The following SYTL2 variants were observed in gnomAD, a reference collection of about 807,000 sequenced individuals.
SYTL2 encodes synaptotagmin-like protein 2.
Under a neutral mutation model 198.7 loss-of-function variants are expected in SYTL2, and 165 were observed. The observed-to-expected ratio is 0.83, with a 90% CI of 0.73 to 0.94. The LOEUF is 0.94. Ranked by LOEUF, SYTL2 falls within the 40% of genes least tolerant of loss-of-function variation. The probability of loss-of-function intolerance (pLI) is 0.00; values close to 1 mark genes in which losing one functional copy is unlikely to be tolerated. For missense variants in SYTL2, 2,835 were observed against 2,582.8 expected (o/e 1.10, Z -2.12); for synonymous variants, 966 against 917.7 (o/e 1.05, Z -0.95).
chr11:85,786,949 C>T (rs2092645480), intron 1 of SYTL2, among the ~76,000 whole-genome samples: 8 of 152,294 alleles, frequency 5.3e-5, no homozygotes, highest in Admixed American at 5.2e-4. Context: ...AATAAAAGTG[C>T]TTTTAATAAA....
intron 16 of SYTL2, 69 bp downstream of exon 16, chr11:85,704,789 A>G: frequency 1.5e-6 from 2 of 1,291,814 alleles, no homozygotes; most frequent in African/African-American, 1.5e-5. Flanking sequence ...AAATGCAATT[A>G]AGCTTTTTCC....
rs1341619889 is a variant in SYTL2, at chr11:85,694,921, G to C, written c.*274C>G. On this transcript the variant is annotated 3_prime_UTR_variant, in exon 20 of 20. Coordinates refer to ENST00000359152, the MANE Select transcript of SYTL2 (RefSeq NM_206927.4). The stretch of plus-strand genomic sequence containing the variant: ...ACCCCATGTTTAATGCTCTGGGGCA[G>C]CTTTTTCTTTGAAGCAGCAGCAGAA... The C allele has an allele frequency of 7.2e-6, 2 of 276,684 alleles. No individual in the cohort carries two copies. Among genetic ancestry groups the C allele is most frequent in the Non-Finnish European group, 1.4e-5 (2 of 147,508 alleles). 17.1% of individuals were successfully genotyped at this position (276,684 alleles called of 1,614,324 possible). A position where few individuals can be genotyped will look rare whatever the true frequency, so the allele number is the denominator to read the frequency against.
At chr11:85,750,701 C>T (rs1257934399) in intron 2 of SYTL2, among the ~76,000 whole-genome samples, 3 of 152,128 alleles carry the variant, frequency 2.0e-5, no homozygotes, top group Admixed American at 6.5e-5. Context: ...AACAAATAAA[C>T]GCTCAGCAGC....
At chr11:85,842,722 C>G in the SYTL2 span, among the ~76,000 whole-genome samples, 1 of 152,174 alleles carries the variant, frequency 6.6e-6, no homozygotes, top group African/African-American at 2.4e-5. Flanking sequence ...ATGTCAGAAA[C>G]TCTTTCCTAA....
In SYTL2 at chr11:85,798,711, C is replaced by G. The variant is rs974303108; in HGVS notation, c.-390+12243G>C. ...CCCACGGGTCTTCTCCAAGAGGAGT[C>G]ACACTGGACACACAAGTTGTGACAA... is the stretch of plus-strand genomic sequence containing the variant. On this transcript the variant is annotated intron_variant, in intron 1 of 19. Coordinates refer to ENST00000359152, the MANE Select transcript of SYTL2 (RefSeq NM_206927.4). Among the ~76,000 whole-genome samples the G allele has an allele frequency of 1.5e-4, 23 of 152,180 alleles. 1 individual carries two copies. Among genetic ancestry groups the G allele is most frequent in the Non-Finnish European group, 2.9e-5 (2 of 68,042 alleles).
chr11:85,769,622 G>C (rs867095633), intron 1 of SYTL2, among the ~76,000 whole-genome samples: 2 of 152,212 alleles, frequency 1.3e-5, no homozygotes, highest in Non-Finnish European at 1.5e-5. Flanking sequence ...CTGAGGACAC[G>C]ATGTTACTTA....
rs771818147 is a variant in SYTL2 at position 85,707,485 on chromosome 11, TCTTGCC to T, written c.5956_5961del (p.Gly1986_Lys1987del). 1.2e-6 allele frequency: 2 copies of T among 1,614,092 alleles called. No homozygotes were observed. The highest frequency in any genetic ancestry group is 1.7e-5 in the Admixed American group (1 of 60,026). ...GTTTTCTTCACTACGAGTGTTTTCTTCTTGCCCATTTTGCCTTTGTCTGGTAGCAAA... is the reference window on the plus strand; with the variant it reads ...GTTTTCTTCACTACGAGTGTTTTCTTCATTTTGCCTTTGTCTGGTAGCAAA... On this transcript the variant is annotated inframe_deletion, in exon 15 of 20. Transcript: ENST00000359152.
chr11:85,804,069 G>A (rs1430800804), intron 1 of SYTL2, among the ~76,000 whole-genome samples: 1 of 152,216 alleles, frequency 6.6e-6, no homozygotes, highest in East Asian at 1.9e-4. Flanking sequence ...CAACACTTCA[G>A]TTACTACATT....
In SYTL2 at chr11:85,748,336, C is replaced by T; in HGVS notation, c.189G>A (p.Arg63=). The change falls in exon 3 of 20, where the codon AGG becomes AGA. Residue 63 remains arginine, a synonymous_variant. Transcript: ENST00000359152. ...WFYEAKAKRH[R]DKIHGADIIR... is the part of the protein sequence containing the mutation. Reference sequence around the variant, plus strand: ...TGATATCTGCGCCATGGATTTTGTCCCTGTGCCTTTTTGCCTTGGCTTCAT... The same window carrying T: ...TGATATCTGCGCCATGGATTTTGTCTCTGTGCCTTTTTGCCTTGGCTTCAT... The T allele has an allele frequency of 6.2e-7, 1 of 1,614,006 alleles. No individual in the cohort carries two copies. The highest frequency in any genetic ancestry group is 1.3e-5 in the African/African-American group (1 of 75,028).
At chr11:85,848,111 G>A in the SYTL2 span, among the ~76,000 whole-genome samples, 589 of 152,144 alleles carry the variant, frequency 3.9e-3, 4 homozygotes, top group African/African-American at 0.012. Context: ...ATGGTGGCAC[G>A]TGCCTGTGGT....
chr11:85,836,398 A>G, the SYTL2 span, among the ~76,000 whole-genome samples: 1 of 152,230 alleles, frequency 6.6e-6, no homozygotes, highest in East Asian at 1.9e-4. Context: ...GGAAGAGGAG[A>G]TAAACTTTGC....
chr11:85,707,966 A>AC (rs1172450975), intron 14 of SYTL2: 1 of 235,632 alleles, frequency 4.2e-6, no homozygotes, highest in African/African-American at 2.5e-5. Context: ...CAAAAAAAAA[A>AC]AAAAAAAAAC....
rs140983087 is a variant in SYTL2, at chr11:85,743,712, G to A, written c.389+1925C>T. Among the ~76,000 whole-genome samples, 34 of 152,184 alleles carry A rather than the reference G, an allele frequency of 2.2e-4. 1 individual carries two copies. In the East Asian group the frequency reaches 6.2e-3, roughly 28 times the overall value. ...GTGGGAGAATACCCACCAGCCCCACGGTTCATGAAGAAAAAGTTAGGCTAT... is the reference window on the plus strand; with the variant it reads ...GTGGGAGAATACCCACCAGCCCCACAGTTCATGAAGAAAAAGTTAGGCTAT... On this transcript the variant is annotated intron_variant, in intron 4 of 19. Coordinates refer to ENST00000359152, the MANE Select transcript of SYTL2 (RefSeq NM_206927.4).
At position 85,695,032 on chromosome 11, in the gene SYTL2, C is replaced by A; in HGVS notation, c.*163G>T. The A allele has an allele frequency of 1.8e-6, 1 of 563,500 alleles. No homozygotes were observed. The highest frequency in any genetic ancestry group is 2.9e-5 in the East Asian group (1 of 34,070). 34.9% of individuals were successfully genotyped at this position (563,500 alleles called of 1,614,324 possible). On this transcript the variant is annotated 3_prime_UTR_variant, in exon 20 of 20. Transcript: ENST00000359152. ...TTTGTTATATTTAAATCCCTTGGGC[C>A]TTGTAATCAAAGAAGCACATGCAGA...
At chr11:85,778,631 A>G (rs980143621) in intron 1 of SYTL2, among the ~76,000 whole-genome samples, 2 of 152,240 alleles carry the variant, frequency 1.3e-5, no homozygotes, top group African/African-American at 4.8e-5. Context: ...GTGCCTAACA[A>G]TGTCTAAGCT....
intron 1 of SYTL2, among the ~76,000 whole-genome samples, chr11:85,802,971 A>G (rs1212447829): frequency 6.6e-6 from 1 of 152,192 alleles, no homozygotes; most frequent in Non-Finnish European, 1.5e-5. Context: ...GGAAACATGG[A>G]CACTAGCCAG....
At chr11:85,762,354 T>C (rs1486392129) in intron 1 of SYTL2, among the ~76,000 whole-genome samples, 1 of 152,176 alleles carries the variant, frequency 6.6e-6, no homozygotes, top group African/African-American at 2.4e-5. Context: ...ACAGATATTA[T>C]TGATGTGTTC....
chr11:85,701,994 T>C (rs2084365074), intron 16 of SYTL2, among the ~76,000 whole-genome samples: 2 of 152,130 alleles, frequency 1.3e-5, no homozygotes, highest in Non-Finnish European at 2.9e-5. Context: ...GCAGGACTTT[T>C]AGCAGTTTCA....
chr11:85,709,606 T>C lies in SYTL2; in HGVS notation c.5746-106A>G, dbSNP rs559895176. ...TGGCATTATTTCTTTAGCTTGCTTA[T>C]AAAAGCAGTTAATTCAATATAGCAT... On this transcript the variant is annotated intron_variant, in intron 13 of 19. Coordinates refer to ENST00000359152, the MANE Select transcript of SYTL2 (RefSeq NM_206927.4). 13 of 1,049,406 alleles carry C rather than the reference T, an allele frequency of 1.2e-5. No individual in the cohort carries two copies. In the East Asian group the frequency reaches 2.6e-4, roughly 21 times the overall value. 65.0% of individuals were successfully genotyped at this position (1,049,406 alleles called of 1,614,324 possible). A position where few individuals can be genotyped will look rare whatever the true frequency, so the allele number is the denominator to read the frequency against.
Sources: gnomAD v4.1 joint callset for allele counts (sites outside exome capture counted in the v4.1 genomes callset) on GRCh38, gnomAD v4.1.1 for gene constraint, MANE v1.5 for transcripts, NCBI Gene and HGNC (gene_info 2026-07-23, HGNC 2026-07-21) for gene names.